Variants in SLC35D4 observed in about 807,000 individuals in gnomAD.
The protein encoded by SLC35D4 is solute carrier family 35 member D4.
chr18:23,310,318 C>G, the SLC35D4 span: 1 of 975,230 alleles, frequency 1.0e-6, no homozygotes, highest in South Asian at 4.8e-5. Context: ...TTGCAAATAT[C>G]TAGAAGCCAG....
the SLC35D4 span, among the ~76,000 whole-genome samples, chr18:23,358,621 C>T: frequency 3.9e-5 from 6 of 152,158 alleles, no homozygotes; most frequent in African/African-American, 1.2e-4. Context: ...ACACCTGTCC[C>T]TCCTCCTCCT....
chr18:23,407,468 T>C, the SLC35D4 span, among the ~76,000 whole-genome samples: 3 of 152,064 alleles, frequency 2.0e-5, no homozygotes, highest in African/African-American at 4.8e-5. Context: ...GGCTGGATTT[T>C]AGTATCCTTA....
the SLC35D4 span, among the ~76,000 whole-genome samples, chr18:23,436,338 A>C: frequency 6.6e-6 from 1 of 152,028 alleles, no homozygotes; most frequent in African/African-American, 2.4e-5. Context: ...CACAACAACA[A>C]TTTCAAGAGG....
At chr18:23,408,913 T>G in the SLC35D4 span, among the ~76,000 whole-genome samples, 1 of 151,630 alleles carries the variant, frequency 6.6e-6, no homozygotes, top group Middle Eastern at 3.4e-3. Flanking sequence ...GGCTGGTGGA[T>G]CACCTGAGGT....
chr18:23,270,195 C>T, the SLC35D4 span, among the ~76,000 whole-genome samples: 1 of 152,160 alleles, frequency 6.6e-6, no homozygotes, highest in South Asian at 2.1e-4. Flanking sequence ...GATGCTCTAG[C>T]CATGGCTAAA....
chr18:23,311,045 C>T, the SLC35D4 span, among the ~76,000 whole-genome samples: 1 of 151,168 alleles, frequency 6.6e-6, no homozygotes, highest in South Asian at 2.1e-4. Flanking sequence ...TCTCAAAGAT[C>T]ATATTGAATG....
chr18:23,270,933 A>G, the SLC35D4 span, among the ~76,000 whole-genome samples: 1 of 152,212 alleles, frequency 6.6e-6, no homozygotes, highest in East Asian at 1.9e-4. Flanking sequence ...GACTTTGGAA[A>G]ACTGTTGGGA....
chr18:23,244,410 G>A, the SLC35D4 span, among the ~76,000 whole-genome samples: 1 of 152,220 alleles, frequency 6.6e-6, no homozygotes, highest in Non-Finnish European at 1.5e-5. Context: ...TTTTGAATTC[G>A]ATGGGTAGAA....
At chr18:23,348,911 T>C in the SLC35D4 span, among the ~76,000 whole-genome samples, 2 of 152,268 alleles carry the variant, frequency 1.3e-5, no homozygotes, top group Non-Finnish European at 2.9e-5. Context: ...TTTTTATTTC[T>C]CTTTCATATT....
the SLC35D4 span, among the ~76,000 whole-genome samples, chr18:23,420,832 A>G: frequency 1.7e-4 from 26 of 152,252 alleles, no homozygotes; most frequent in Admixed American, 1.7e-3. Flanking sequence ...TCAATGTATC[A>G]GTTAATACTA....
At chr18:23,373,892 C>T in the SLC35D4 span, 1 of 881,360 alleles carries the variant, frequency 1.1e-6, no homozygotes, top group Non-Finnish European at 1.7e-6. Flanking sequence ...AACTTGGTTC[C>T]TCTGTCCTTC....
At chr18:23,245,985 C>T in the SLC35D4 span, among the ~76,000 whole-genome samples, 15 of 152,114 alleles carry the variant, frequency 9.9e-5, no homozygotes, top group Admixed American at 4.6e-4. Context: ...ACAGTGGTCC[C>T]GGCCGGGCAC....
At chr18:23,338,607 A>C in the SLC35D4 span, among the ~76,000 whole-genome samples, 1 of 152,180 alleles carries the variant, frequency 6.6e-6, no homozygotes, top group Non-Finnish European at 1.5e-5. Context: ...ATGACTCTAC[A>C]TAATGCTCTG....
At chr18:23,355,578 C>CA in the SLC35D4 span, among the ~76,000 whole-genome samples, 1 of 144,768 alleles carries the variant, frequency 6.9e-6, no homozygotes, top group African/African-American at 2.5e-5. Flanking sequence ...AATGCAGAAA[C>CA]AAACTCTGTA....
chr18:23,417,220 C>A, the SLC35D4 span, among the ~76,000 whole-genome samples: 1 of 148,202 alleles, frequency 6.7e-6, no homozygotes, highest in Non-Finnish European at 1.5e-5. Context: ...CCAGCCTGGA[C>A]GACAGAGCAA....
the SLC35D4 span, among the ~76,000 whole-genome samples, chr18:23,362,221 A>G: frequency 1.3e-5 from 2 of 152,250 alleles, no homozygotes; most frequent in South Asian, 4.1e-4. Flanking sequence ...GTGGCTAAAC[A>G]CATCCCCCAA....
chr18:23,405,316 T>C, the SLC35D4 span, among the ~76,000 whole-genome samples: 1 of 152,054 alleles, frequency 6.6e-6, no homozygotes, highest in South Asian at 2.1e-4. Flanking sequence ...ACCTCCCGAG[T>C]AGCTGGGGTT....
chr18:23,430,272 C>A, the SLC35D4 span, among the ~76,000 whole-genome samples: 1 of 151,224 alleles, frequency 6.6e-6, no homozygotes, highest in Non-Finnish European at 1.5e-5. Context: ...CAGTGTCTTG[C>A]TATGTTGCCC....
the SLC35D4 span, among the ~76,000 whole-genome samples, chr18:23,255,275 G>C: frequency 6.6e-6 from 1 of 152,262 alleles, no homozygotes; most frequent in African/African-American, 2.4e-5. Flanking sequence ...AGATATCAAA[G>C]CATCAGAATA....
Sources: gnomAD v4.1 joint callset for allele counts (sites outside exome capture counted in the v4.1 genomes callset) on GRCh38, gnomAD v4.1.1 for gene constraint, MANE v1.5 for transcripts, NCBI Gene and HGNC (gene_info 2026-07-23, HGNC 2026-07-21) for gene names.